The following PTPRD variants were observed in gnomAD, a reference collection of about 807,000 sequenced individuals.
PTPRD encodes protein tyrosine phosphatase receptor type D.
In PTPRD, 34 loss-of-function variants were observed where a neutral mutation model predicts 214.5. That is an observed-to-expected ratio of 0.16 (90% CI 0.12 to 0.21). The LOEUF (loss-of-function observed/expected upper bound fraction) is 0.21. PTPRD is among the 10% of genes least tolerant of loss of function. PTPRD has a pLI of 1.00. For synonymous variants in PTPRD, 1,128 were observed against 845.7 expected (o/e 1.33, Z -5.79); for missense variants, 2,545 against 2,398.7 (o/e 1.06, Z -1.27).
intron 33 of PTPRD, among the ~76,000 whole-genome samples, chr9:8,457,592 G>C (rs2133982232): frequency 6.6e-6 from 1 of 152,138 alleles, no homozygotes; most frequent in South Asian, 2.1e-4. Flanking sequence ...AAGTCTCAAA[G>C]TCTCCTCAGA....
At chr9:8,380,589 T>C (rs752074470) in intron 37 of PTPRD, among the ~76,000 whole-genome samples, 13 of 152,222 alleles carry the variant, frequency 8.5e-5, no homozygotes, top group Non-Finnish European at 1.6e-4. Context: ...AGGGTGACCA[T>C]TGCTAAATTT....
intron 10 of PTPRD, among the ~76,000 whole-genome samples, chr9:9,048,299 G>A (rs993939980): frequency 1.3e-5 from 2 of 152,086 alleles, no homozygotes; most frequent in African/African-American, 2.4e-5. Flanking sequence ...TCCTGCTGCT[G>A]GGGTATATAC....
intron 2 of PTPRD, among the ~76,000 whole-genome samples, chr9:10,401,689 A>T: frequency 6.7e-6 from 1 of 149,522 alleles, no homozygotes; most frequent in East Asian, 2.0e-4. Flanking sequence ...GTATGTACAT[A>T]ATAAAATGGC....
chr9:10,421,758 A>G (rs1188792899), intron 2 of PTPRD, among the ~76,000 whole-genome samples: 1 of 151,768 alleles, frequency 6.6e-6, no homozygotes, highest in Non-Finnish European at 1.5e-5. Flanking sequence ...CGTTTACTTT[A>G]TTACTGTTTT....
chr9:10,564,660 G>C (rs1463428631), intron 2 of PTPRD, among the ~76,000 whole-genome samples: 1 of 151,994 alleles, frequency 6.6e-6, no homozygotes, highest in East Asian at 1.9e-4. Flanking sequence ...TGCAGACTCA[G>C]GGGCTCACCA....
intron 3 of PTPRD, among the ~76,000 whole-genome samples, chr9:10,186,204 AAT>A (rs1457163044): frequency 2.6e-5 from 4 of 152,112 alleles, no homozygotes; most frequent in Non-Finnish European, 5.9e-5. Flanking sequence ...AGTTAAATAT[AAT>A]TAAACTCAAC....
intron 2 of PTPRD, among the ~76,000 whole-genome samples, chr9:10,464,645 G>T (rs1234987443): frequency 6.6e-6 from 1 of 151,936 alleles, no homozygotes; most frequent in Non-Finnish European, 1.5e-5. Context: ...AATGCATAAA[G>T]GTCCTAGTGA....
chr9:9,616,666 T>C (rs1400982746), intron 7 of PTPRD, among the ~76,000 whole-genome samples: 1 of 152,138 alleles, frequency 6.6e-6, no homozygotes, highest in Non-Finnish European at 1.5e-5. Context: ...AAAAAGTTCA[T>C]GATCACATAA....
chr9:9,054,562 C>A (rs1490083738), intron 10 of PTPRD, among the ~76,000 whole-genome samples: 1 of 152,138 alleles, frequency 6.6e-6, no homozygotes, highest in Non-Finnish European at 1.5e-5. Flanking sequence ...ATGGCCAGGA[C>A]CACACAAGGC....
chr9:9,999,896 G>T (rs1057355800), intron 4 of PTPRD, among the ~76,000 whole-genome samples: 14 of 152,162 alleles, frequency 9.2e-5, no homozygotes, highest in African/African-American at 3.4e-4. Flanking sequence ...ATCTTGTTTG[G>T]TAAATTCTTG....
At chr9:8,853,460 T>G (rs1443286768) in intron 11 of PTPRD, among the ~76,000 whole-genome samples, 1 of 152,190 alleles carries the variant, frequency 6.6e-6, no homozygotes. Context: ...GAAACAGATG[T>G]AAGCCAAGCA....
chr9:10,491,872 C>G (rs944405894), intron 2 of PTPRD, among the ~76,000 whole-genome samples: 4 of 152,140 alleles, frequency 2.6e-5, no homozygotes, highest in African/African-American at 7.2e-5. Context: ...TAGTCCCACA[C>G]CCCACAACAG....
chr9:8,577,122 C>T (rs2092487228), intron 14 of PTPRD, among the ~76,000 whole-genome samples: 1 of 152,118 alleles, frequency 6.6e-6, no homozygotes, highest in Admixed American at 6.5e-5. Flanking sequence ...TTCCACTCTC[C>T]CCACCATGAC....
intron 9 of PTPRD, among the ~76,000 whole-genome samples, chr9:9,226,385 C>T (rs1005621529): frequency 1.3e-5 from 2 of 151,826 alleles, no homozygotes; most frequent in African/African-American, 2.4e-5. Flanking sequence ...CTATCTTAAT[C>T]CCTATCTATC....
intron 14 of PTPRD, among the ~76,000 whole-genome samples, chr9:8,578,291 C>T (rs148124005): frequency 6.6e-6 from 1 of 152,234 alleles, no homozygotes; most frequent in Non-Finnish European, 1.5e-5. Context: ...TACTAAGAGT[C>T]AAGGGCCATT....
intron 12 of PTPRD, chr9:8,713,525 C>G: frequency 8.1e-7 from 1 of 1,234,118 alleles, no homozygotes; most frequent in Non-Finnish European, 1.2e-6. Flanking sequence ...GAGAAGTCCC[C>G]GCTGCGGGTG....
intron 11 of PTPRD, among the ~76,000 whole-genome samples, chr9:8,948,483 A>T (rs2099082079): frequency 1.8e-5 from 1 of 55,846 alleles, no homozygotes; most frequent in Non-Finnish European, 3.1e-5. Context: ...ATATATATTT[A>T]TATATATATT....
At chr9:10,092,534 T>G (rs1039530581) in intron 3 of PTPRD, among the ~76,000 whole-genome samples, 4 of 151,508 alleles carry the variant, frequency 2.6e-5, no homozygotes, top group African/African-American at 9.7e-5. Flanking sequence ...AACTGCAAAT[T>G]TTAAATTTTG....
chr9:9,399,249 G>T (rs1036961345), intron 8 of PTPRD, among the ~76,000 whole-genome samples: 4 of 151,956 alleles, frequency 2.6e-5, no homozygotes, highest in Non-Finnish European at 4.4e-5. Flanking sequence ...AAAAGCACTG[G>T]TTTCTTAATT....
Sources: allele counts gnomAD v4.1 joint callset (sites outside exome capture counted in the v4.1 genomes callset), GRCh38; gene constraint gnomAD v4.1.1; transcripts MANE v1.5; gene names NCBI Gene and HGNC (gene_info 2026-07-23, HGNC 2026-07-21).